NTN4: variants seen among roughly 807,000 people sequenced by gnomAD.
The protein encoded by NTN4 is netrin 4, also known as netrin-4.
Under a neutral mutation model 73.6 loss-of-function variants are expected in NTN4, and 32 were observed. The observed-to-expected ratio is 0.44, with a 90% confidence interval of 0.33 to 0.58. The LOEUF (loss-of-function observed/expected upper bound fraction) is 0.58. NTN4 is among the 20% of genes least tolerant of loss of function. NTN4 has a pLI of 0.04. For missense variants in NTN4, 654 were observed against 798.3 expected (o/e 0.82, Z 2.18); for synonymous variants, 258 against 287.5 (o/e 0.90, Z 1.04).
chr12:95,674,275 C>T (rs1565879692), intron 7 of NTN4, among the ~76,000 whole-genome samples: 2 of 152,176 alleles, frequency 1.3e-5, no homozygotes. Context: ...TAATGGAACT[C>T]CAAATGGCAT....
intron 5 of NTN4, among the ~76,000 whole-genome samples, chr12:95,684,762 A>G (rs10859924): frequency 0.21 from 32,421 of 152,198 alleles, 4,001 homozygotes; most frequent in East Asian, 0.27. Flanking sequence ...GTTTGTATAC[A>G]TACATATATA....
intron 8 of NTN4, among the ~76,000 whole-genome samples, chr12:95,669,349 G>A (rs2120936684): frequency 6.6e-6 from 1 of 152,178 alleles, no homozygotes. Flanking sequence ...TTTTTGTACA[G>A]GATGTATTTT....
Position 95,710,635 on chromosome 12 carries a change from A to G in NTN4, c.992-6T>C. On this transcript the variant is annotated splice_region_variant and splice_polypyrimidine_tract_variant and intron_variant, in intron 4 of 9. Coordinates refer to ENST00000343702, the MANE Select transcript of NTN4 (RefSeq NM_021229.4). ...ATGCCCATTACACTTGCAGGCTGGA[A>G]ATAAGAAGCGTGGAGAGAAACACTA... is the stretch of plus-strand genomic sequence containing the variant. 6.2e-7 allele frequency: 1 copy of G among 1,610,436 alleles called. No individual in the cohort carries two copies. Among genetic ancestry groups the G allele is most frequent in the Non-Finnish European group, 8.5e-7 (1 of 1,177,618 alleles).
chr12:95,731,184 A>G (rs539931666), intron 3 of NTN4, among the ~76,000 whole-genome samples: 1 of 152,328 alleles, frequency 6.6e-6, no homozygotes, highest in South Asian at 2.1e-4. Context: ...GGACTTGGAT[A>G]GTTTACCTAT....
At chr12:95,695,201 AG>A (rs2078432100) in intron 5 of NTN4, among the ~76,000 whole-genome samples, 1 of 152,130 alleles carries the variant, frequency 6.6e-6, no homozygotes, top group Non-Finnish European at 1.5e-5. Context: ...CATTTACTGA[AG>A]TTCAGTGTCT....
At chr12:95,752,101 C>T (rs1236506063) in intron 2 of NTN4, among the ~76,000 whole-genome samples, 1 of 151,858 alleles carries the variant, frequency 6.6e-6, no homozygotes, top group African/African-American at 2.4e-5. Flanking sequence ...CTCCTTGCAC[C>T]TCTTACCATC....
chr12:95,717,103 C>G (rs2078611753), intron 3 of NTN4, among the ~76,000 whole-genome samples: 2 of 152,180 alleles, frequency 1.3e-5, no homozygotes, highest in Non-Finnish European at 2.9e-5. Flanking sequence ...AGCCCCTATG[C>G]CTGGCCCTCT....
At chr12:95,731,522 C>A (rs11108223) in intron 3 of NTN4, among the ~76,000 whole-genome samples, 1,620 of 152,000 alleles carry the variant, frequency 0.011, 16 homozygotes, top group Middle Eastern at 0.017. Flanking sequence ...GCCGAGATTG[C>A]GCCACTGTGC....
At chr12:95,672,254 G>A (rs2078238369) in intron 7 of NTN4, 1 of 678,158 alleles carries the variant, frequency 1.5e-6, no homozygotes, top group Non-Finnish European at 2.7e-6. Flanking sequence ...GGGGCGGGCT[G>A]TGATTCTAGA....
intron 3 of NTN4, among the ~76,000 whole-genome samples, chr12:95,736,317 G>A (rs959966440): frequency 6.6e-6 from 1 of 152,062 alleles, no homozygotes; most frequent in Non-Finnish European, 1.5e-5. Flanking sequence ...AGTCTCATAG[G>A]TCCTTCAGTC....
chr12:95,738,955 C>T (rs896225639), intron 2 of NTN4, among the ~76,000 whole-genome samples: 2 of 152,174 alleles, frequency 1.3e-5, no homozygotes, highest in South Asian at 2.1e-4. Flanking sequence ...TGAAGACCTC[C>T]CATTCTCCTC....
At chr12:95,737,799 A>G in intron 3 of NTN4, 67 bp downstream of exon 3, 1 of 1,516,740 alleles carries the variant, frequency 6.6e-7, no homozygotes, top group Non-Finnish European at 9.0e-7. Context: ...AGCATATACC[A>G]ACCAATGCCC....
chr12:95,732,281 T>G (rs2078743406), intron 3 of NTN4, among the ~76,000 whole-genome samples: 1 of 151,974 alleles, frequency 6.6e-6, no homozygotes, highest in South Asian at 2.1e-4. Flanking sequence ...CTCTCTCCCT[T>G]AAAATCCTGA....
At chr12:95,751,583 C>T (rs941554838) in intron 2 of NTN4, among the ~76,000 whole-genome samples, 3 of 151,970 alleles carry the variant, frequency 2.0e-5, no homozygotes, top group Non-Finnish European at 2.9e-5. Flanking sequence ...TCCCAGAGCC[C>T]CTGGAACTCT....
At position 95,786,288 on chromosome 12, in the gene NTN4, A is replaced by G. The variant is rs2079166923; in HGVS notation, c.585+651T>C. On this transcript the variant is annotated intron_variant, in intron 2 of 9. Transcript: ENST00000343702. The stretch of plus-strand genomic sequence containing the variant: ...TTGCCACATAAGTTAAGAAGAGCTA[A>G]AAAGAGACCTGTTTCTCCCTTAGGA... Among the ~76,000 whole-genome samples, 4 of 152,222 alleles carry G rather than the reference A, an allele frequency of 2.6e-5. No individual in the cohort carries two copies. The South Asian group carries it at 8.3e-4, about 32-fold the overall frequency.
At chr12:95,703,664 C>A (rs1281822007) in intron 5 of NTN4, among the ~76,000 whole-genome samples, 1 of 152,178 alleles carries the variant, frequency 6.6e-6, no homozygotes, top group Non-Finnish European at 1.5e-5. Flanking sequence ...ATTAACATTT[C>A]ATAGAATTAG....
At chr12:95,729,382 C>T (rs915775161) in intron 3 of NTN4, among the ~76,000 whole-genome samples, 6 of 151,894 alleles carry the variant, frequency 4.0e-5, no homozygotes, top group African/African-American at 1.2e-4. Flanking sequence ...ATTAGAATCC[C>T]ATATTACAAA....
At chr12:95,772,980 C>T (rs1051838479) in intron 2 of NTN4, among the ~76,000 whole-genome samples, 14 of 139,442 alleles carry the variant, frequency 1.0e-4, no homozygotes, top group Non-Finnish European at 1.7e-4. Flanking sequence ...TCAAAATCTC[C>T]AATGGCTTTT....
At position 95,713,339 on chromosome 12, in the gene NTN4, C is replaced by T; in HGVS notation, c.865-1G>A. On this transcript the variant is annotated splice_acceptor_variant, in intron 3 of 9. Coordinates refer to ENST00000343702, the MANE Select transcript of NTN4 (RefSeq NM_021229.4). LOFTEE classifies it high-confidence loss of function. ...GCTTACACATACACTTCCCATGGAC[C>T]TACAAGCAACATCAAGTGAGAACTA... The T allele has an allele frequency of 6.3e-7, 1 of 1,586,084 alleles. No individual in the cohort carries two copies. The highest frequency in any genetic ancestry group is 1.3e-5 in the African/African-American group (1 of 74,544).
Sources: allele counts gnomAD v4.1 joint callset (sites outside exome capture counted in the v4.1 genomes callset), GRCh38; gene constraint gnomAD v4.1.1; transcripts MANE v1.5; gene names NCBI Gene and HGNC (gene_info 2026-07-23, HGNC 2026-07-21).